Variants in LINGO2 observed in about 807,000 individuals in gnomAD.
LINGO2 encodes the protein leucine rich repeat and Ig domain containing 2.
LINGO2 carries 14 observed loss-of-function variants against 30.6 expected under a neutral mutation model. The ratio of observed to expected loss-of-function variants is 0.46; its 90% CI spans 0.30 to 0.72. The LOEUF is 0.72. Ranked by LOEUF, LINGO2 falls within the 30% of genes least tolerant of loss-of-function variation. The pLI is 0.07. For synonymous variants in LINGO2, 317 were observed against 288.5 expected, an observed-to-expected ratio of 1.10 and a Z score of -1.00; for missense variants, 729 against 751.7, an observed-to-expected ratio of 0.97 and a Z score of 0.35.
At position 28,561,596 on chromosome 9, in the gene LINGO2, TATAA is replaced by T. The variant is rs1563826081; in HGVS notation, c.-364-85575_-364-85572del. Among the ~76,000 whole-genome samples the T allele has an allele frequency of 8.1e-3, 1,073 of 132,924 alleles. 11 individuals are homozygous for T. Among genetic ancestry groups the T allele is most frequent in the African/African-American group, 0.016 (570 of 36,662 alleles). 87.2% of individuals were successfully genotyped at this position (132,924 alleles called of 152,430 possible). ...TAATATAATGTGTTTATATATTATA[TATAA>T]ATGTATTATATATGTATAATATATA... On this transcript the variant is annotated intron_variant, in intron 1 of 5. Transcript: ENST00000379992.
chr9:29,062,164 T>C, the LINGO2 span, among the ~76,000 whole-genome samples: 2 of 152,052 alleles, frequency 1.3e-5, no homozygotes, highest in Non-Finnish European at 2.9e-5. Flanking sequence ...CAGTATATTT[T>C]AATACAGAAA....
chr9:28,316,332 A>C (rs1824845459), intron 3 of LINGO2, among the ~76,000 whole-genome samples: 1 of 152,152 alleles, frequency 6.6e-6, no homozygotes, highest in Non-Finnish European at 1.5e-5. Context: ...AAAACGGATG[A>C]AGACAAACAG....
chr9:29,152,556 C>G, the LINGO2 span, among the ~76,000 whole-genome samples: 2 of 152,152 alleles, frequency 1.3e-5, no homozygotes, highest in Non-Finnish European at 2.9e-5. Flanking sequence ...GAACAGAAAA[C>G]TTTATACCAC....
chr9:28,319,242 G>A (rs370044691), intron 3 of LINGO2, among the ~76,000 whole-genome samples: 9 of 152,278 alleles, frequency 5.9e-5, no homozygotes, highest in Admixed American at 4.6e-4. Flanking sequence ...CCCACCTTCC[G>A]TGACTTGTGG....
At chr9:29,023,384 T>C in the LINGO2 span, among the ~76,000 whole-genome samples, 1 of 152,166 alleles carries the variant, frequency 6.6e-6, no homozygotes, top group African/African-American at 2.4e-5. Context: ...TGTCCCTATT[T>C]ATTTTTTAGC....
intron 1 of LINGO2, among the ~76,000 whole-genome samples, chr9:28,591,080 T>G (rs1824880191): frequency 6.6e-6 from 1 of 151,858 alleles, no homozygotes; most frequent in African/African-American, 2.4e-5. Context: ...ACACCGCATG[T>G]TCTCACTCAT....
the LINGO2 span, among the ~76,000 whole-genome samples, chr9:29,166,315 A>G: frequency 1.3e-5 from 2 of 152,114 alleles, 1 homozygote. Flanking sequence ...CCCATTGGCT[A>G]CATTCAACTC....
chr9:28,929,457 T>A, the LINGO2 span, among the ~76,000 whole-genome samples: 1 of 152,184 alleles, frequency 6.6e-6, no homozygotes, highest in Admixed American at 6.5e-5. Context: ...GAGGGTTCCA[T>A]ATCCTCAGAG....
chr9:28,755,331 A>G, the LINGO2 span, among the ~76,000 whole-genome samples: 118 of 152,228 alleles, frequency 7.8e-4, 1 homozygote, highest in African/African-American at 2.7e-3. Context: ...AAGCTTTTCT[A>G]TTTACTAGCT....
chr9:28,039,161 C>A (rs1824084474), intron 4 of LINGO2, among the ~76,000 whole-genome samples: 2 of 152,162 alleles, frequency 1.3e-5, no homozygotes, highest in Non-Finnish European at 2.9e-5. Context: ...AATTGAAAAA[C>A]AAGTATAAGT....
the LINGO2 span, among the ~76,000 whole-genome samples, chr9:28,991,709 T>G: frequency 5.0e-4 from 76 of 151,132 alleles, no homozygotes; most frequent in African/African-American, 1.8e-3. Flanking sequence ...GGGGCCAGTA[T>G]TCAACATTCT....
the LINGO2 span, among the ~76,000 whole-genome samples, chr9:28,900,791 A>G: frequency 6.6e-6 from 1 of 152,238 alleles, no homozygotes; most frequent in South Asian, 2.1e-4. Flanking sequence ...GAAACATGAC[A>G]TACCAAAGAG....
chr9:28,508,175 A>G (rs933621844), intron 1 of LINGO2, among the ~76,000 whole-genome samples: 12 of 152,046 alleles, frequency 7.9e-5, no homozygotes, highest in Non-Finnish European at 1.3e-4. Context: ...ATATTTCCCT[A>G]CCTGTTACTT....
the LINGO2 span, among the ~76,000 whole-genome samples, chr9:28,740,062 T>G: frequency 4.0e-5 from 6 of 151,788 alleles, no homozygotes; most frequent in East Asian, 1.2e-3. Flanking sequence ...TTTCCTTTTG[T>G]TTTTGATTTC....
At chr9:29,206,259 A>G in the LINGO2 span, among the ~76,000 whole-genome samples, 1 of 152,238 alleles carries the variant, frequency 6.6e-6, no homozygotes. Context: ...AACTTCTAAA[A>G]GAGGAACTAT....
At chr9:28,788,911 T>C in the LINGO2 span, among the ~76,000 whole-genome samples, 1 of 152,188 alleles carries the variant, frequency 6.6e-6, no homozygotes, top group African/African-American at 2.4e-5. Context: ...AAATATTGTT[T>C]GGTTACAACA....
chr9:28,882,384 G>C, the LINGO2 span, among the ~76,000 whole-genome samples: 5 of 152,130 alleles, frequency 3.3e-5, no homozygotes, highest in African/African-American at 1.2e-4. Flanking sequence ...TCTGCCATTT[G>C]CTAGTATATC....
the LINGO2 span, among the ~76,000 whole-genome samples, chr9:28,702,428 T>G: frequency 2.6e-5 from 4 of 151,870 alleles, no homozygotes; most frequent in African/African-American, 9.7e-5. Flanking sequence ...GTAACATTAA[T>G]AGATTTTTCA....
the LINGO2 span, among the ~76,000 whole-genome samples, chr9:29,208,719 T>C: frequency 5.3e-5 from 8 of 152,278 alleles, no homozygotes; most frequent in South Asian, 1.4e-3. Flanking sequence ...AGGTAGATAT[T>C]AAACATTCCC....
Sources: allele counts gnomAD v4.1 joint callset (sites outside exome capture counted in the v4.1 genomes callset), GRCh38; gene constraint gnomAD v4.1.1; transcripts MANE v1.5; gene names NCBI Gene and HGNC (gene_info 2026-07-23, HGNC 2026-07-21).